TGFA: variants seen among roughly 807,000 people sequenced by gnomAD.
TGFA encodes the protein protransforming growth factor alpha.
TGFA carries 12 observed loss-of-function variants against 21.7 expected under a neutral mutation model. That is an observed-to-expected ratio of 0.55 (90% CI 0.35 to 0.90). The LOEUF (loss-of-function observed/expected upper bound fraction) is 0.90, where lower values mean the gene tolerates loss of function less well. TGFA is among the 40% of genes least tolerant of loss of function. The probability of loss-of-function intolerance (pLI) is 0.01; values close to 1 mark genes in which losing one functional copy is unlikely to be tolerated. For synonymous variants in TGFA, 79 were observed against 88.1 expected (o/e 0.90, Z 0.58); for missense variants, 178 against 210.8 (o/e 0.84, Z 0.96).
chr2:70,465,784 G>GCAAACCCCACA, intron 2 of TGFA, 48 bp from the exon 3 acceptor site: 4 of 1,607,858 alleles, frequency 2.5e-6, no homozygotes, highest in Non-Finnish European at 3.4e-6. Flanking sequence ...CAGCTGACAT[G>GCAAACCCCACA]CAAACCCCAC....
chr2:70,495,062 T>C (rs1671539808), intron 2 of TGFA, among the ~76,000 whole-genome samples: 1 of 152,264 alleles, frequency 6.6e-6, no homozygotes, highest in African/African-American at 2.4e-5. Flanking sequence ...AGAAATTTTA[T>C]GCTTCCATTT....
At position 70,447,853 on chromosome 2, in the gene TGFA, G is replaced by T. The variant is rs1553488934; in HGVS notation, c.*3006C>A. The T allele has an allele frequency of 6.6e-6, 1 of 152,232 alleles. No homozygotes were observed. The highest frequency in any genetic ancestry group is 6.5e-5 in the Admixed American group (1 of 15,286). The allele number at this position is 152,232 out of a possible 1,614,324, so 9.4% of individuals were successfully genotyped here. On this transcript the variant is annotated 3_prime_UTR_variant, in exon 6 of 6. Coordinates refer to ENST00000295400, the MANE Select transcript of TGFA (RefSeq NM_003236.4). ...GCCCAGAACCAACTAGAGGGCAGGG[G>T]TCTCCTGAGCAGTGTTAGAGCCTCA...
At chr2:70,514,637 G>A (rs1672211292) in intron 2 of TGFA, among the ~76,000 whole-genome samples, 1 of 152,144 alleles carries the variant, frequency 6.6e-6, no homozygotes, top group Non-Finnish European at 1.5e-5. Flanking sequence ...GAGACACGTA[G>A]GGGAGGCCCC....
At chr2:70,482,407 G>C (rs1327121469) in intron 2 of TGFA, among the ~76,000 whole-genome samples, 2 of 152,288 alleles carry the variant, frequency 1.3e-5, no homozygotes, top group East Asian at 1.9e-4. Context: ...CAGAGTCCTA[G>C]CTCTAAAGCT....
intron 2 of TGFA, among the ~76,000 whole-genome samples, chr2:70,474,051 G>T (rs896843985): frequency 1.7e-4 from 26 of 152,120 alleles, no homozygotes; most frequent in African/African-American, 6.3e-4. Flanking sequence ...ATTCTTCAGT[G>T]ATCTTTTCCA....
At chr2:70,511,378 C>T (rs1220412141) in intron 2 of TGFA, among the ~76,000 whole-genome samples, 1 of 152,140 alleles carries the variant, frequency 6.6e-6, no homozygotes, top group Non-Finnish European at 1.5e-5. Flanking sequence ...TAAAGGAGCC[C>T]ACCAGCATCC....
At chr2:70,469,652 T>C (rs900982177) in intron 2 of TGFA, among the ~76,000 whole-genome samples, 2 of 152,206 alleles carry the variant, frequency 1.3e-5, no homozygotes, top group African/African-American at 4.8e-5. Context: ...CAGGTGATCC[T>C]GATGCACACT....
At chr2:70,547,562 AT>A (rs1673346197) in intron 1 of TGFA, among the ~76,000 whole-genome samples, 1 of 135,702 alleles carries the variant, frequency 7.4e-6, no homozygotes. Flanking sequence ...AAAAAAAAAC[AT>A]GAAAAACAAA....
chr2:70,469,390 A>G (rs1205320154), intron 2 of TGFA, among the ~76,000 whole-genome samples: 1 of 152,128 alleles, frequency 6.6e-6, no homozygotes, highest in Admixed American at 6.5e-5. Flanking sequence ...GCTGGAGTGC[A>G]GTGGCACGTT....
intron 2 of TGFA, among the ~76,000 whole-genome samples, chr2:70,502,394 C>A (rs1671763893): frequency 6.6e-6 from 1 of 152,144 alleles, no homozygotes. Context: ...GGCTGGAGTG[C>A]AATGGCATGA....
At chr2:70,536,191 C>T (rs573612802) in intron 1 of TGFA, among the ~76,000 whole-genome samples, 3 of 152,234 alleles carry the variant, frequency 2.0e-5, no homozygotes, top group Non-Finnish European at 4.4e-5. Flanking sequence ...TAAAGAATGA[C>T]GAAGTTACTA....
chr2:70,477,397 C>T (rs1168483903), intron 2 of TGFA, among the ~76,000 whole-genome samples: 2 of 152,188 alleles, frequency 1.3e-5, no homozygotes, highest in African/African-American at 4.8e-5. Context: ...CATTTCCAAC[C>T]ACTATACTTA....
chr2:70,475,477 C>T (rs1670893559), intron 2 of TGFA, among the ~76,000 whole-genome samples: 1 of 152,108 alleles, frequency 6.6e-6, no homozygotes, highest in African/African-American at 2.4e-5. Context: ...CTAAAGCTCT[C>T]GCCCTTTCTA....
intron 1 of TGFA, among the ~76,000 whole-genome samples, chr2:70,542,572 C>A (rs1486702279): frequency 1.3e-5 from 2 of 152,148 alleles, no homozygotes; most frequent in African/African-American, 4.8e-5. Context: ...CTCATATAAG[C>A]ATTGGTTGTG....
At chr2:70,469,934 C>CT (rs1207139038) in intron 2 of TGFA, among the ~76,000 whole-genome samples, 2 of 152,184 alleles carry the variant, frequency 1.3e-5, no homozygotes, top group Admixed American at 6.5e-5. Context: ...CATTTAACCC[C>CT]TATTGATGGA....
chr2:70,521,536 T>TGGTA lies in TGFA; in HGVS notation c.41-6628_41-6625dup, dbSNP rs1211521604. ...AAACGAGAGACACATGAGAAAAATGTGGTATATTGAGTGACACACAATAAA... is the reference window on the plus strand; with the variant it reads ...AAACGAGAGACACATGAGAAAAATGTGGTAGGTATATTGAGTGACACACAATAAA... On this transcript the variant is annotated intron_variant, in intron 1 of 5. Coordinates refer to ENST00000295400, the MANE Select transcript of TGFA (RefSeq NM_003236.4). Among the ~76,000 whole-genome samples, 6 of 151,736 alleles carry TGGTA rather than the reference T, an allele frequency of 4.0e-5. No homozygotes were observed. The East Asian group carries it at 1.2e-3, about 29-fold the overall frequency.
At chr2:70,508,747 G>A (rs923169862) in intron 2 of TGFA, among the ~76,000 whole-genome samples, 5 of 152,074 alleles carry the variant, frequency 3.3e-5, no homozygotes, top group Admixed American at 6.6e-5. Flanking sequence ...ATTATGACCC[G>A]TAAAGTGATT....
Position 70,504,449 on chromosome 2 carries a change from T to TATACATAC in TGFA, c.94+10409_94+10410insGTATGTAT, listed in dbSNP as rs1553499734. On this transcript the variant is annotated intron_variant, in intron 2 of 5. Transcript: ENST00000295400. Reference sequence around the variant, plus strand: ...AACAAAACAAATATATATATATATATATATATATATATATACACACATACA... The same window carrying TATACATAC: ...AACAAAACAAATATATATATATATATATACATACATATATATATATATACACACATACA... 1.4e-4 allele frequency among the ~76,000 whole-genome samples: 10 copies of TATACATAC among 69,082 alleles called. No homozygotes were observed. In the East Asian group the frequency reaches 3.8e-3, roughly 26 times the overall value. The allele number at this position is 69,082 out of a possible 152,430, so 45.3% of individuals were successfully genotyped here. A position where few individuals can be genotyped will look rare whatever the true frequency, so the allele number is the denominator to read the frequency against.
At chr2:70,506,274 C>T (rs1553500130) in intron 2 of TGFA, among the ~76,000 whole-genome samples, 1 of 152,196 alleles carries the variant, frequency 6.6e-6, no homozygotes, top group African/African-American at 2.4e-5. Flanking sequence ...CAGTGACCAG[C>T]ACTGTCCGGC....
Sources: gnomAD v4.1 joint callset for allele counts (sites outside exome capture counted in the v4.1 genomes callset) on GRCh38, gnomAD v4.1.1 for gene constraint, MANE v1.5 for transcripts, NCBI Gene and HGNC (gene_info 2026-07-23, HGNC 2026-07-21) for gene names.